The following GRIK4 variants were observed in gnomAD, a reference collection of about 807,000 sequenced individuals.
The protein encoded by GRIK4 is glutamate ionotropic receptor kainate type subunit 4.
Under a neutral mutation model 104.9 loss-of-function variants are expected in GRIK4, and 40 were observed. That is an observed-to-expected ratio of 0.38 (90% CI 0.30 to 0.50). GRIK4 has a LOEUF of 0.50. Among genes scored for constraint, GRIK4 ranks in the 20% least tolerant of loss-of-function variants. GRIK4 has a pLI of 0.93. For synonymous variants in GRIK4, 485 were observed against 524.9 expected, an observed-to-expected ratio of 0.92 and a Z score of 1.04; for missense variants, 1,047 against 1,308.1, an observed-to-expected ratio of 0.80 and a Z score of 3.08.
At chr11:120,558,564 G>A (rs962350572) in intron 1 of GRIK4, among the ~76,000 whole-genome samples, 5 of 152,156 alleles carry the variant, frequency 3.3e-5, no homozygotes, top group African/African-American at 4.8e-5. Context: ...CTCCAGCCTG[G>A]GCGACAGAGC....
At chr11:120,798,369 G>A (rs1398417151) in intron 3 of GRIK4, among the ~76,000 whole-genome samples, 1 of 151,926 alleles carries the variant, frequency 6.6e-6, no homozygotes, top group East Asian at 1.9e-4. Context: ...ACCTTAGCCA[G>A]GATGGTCTCA....
chr11:120,593,868 A>G (rs1948767505), intron 1 of GRIK4, among the ~76,000 whole-genome samples: 1 of 152,160 alleles, frequency 6.6e-6, no homozygotes, highest in South Asian at 2.1e-4. Context: ...AATGGGAGTC[A>G]TTCCTGATCT....
intron 1 of GRIK4, among the ~76,000 whole-genome samples, chr11:120,607,218 G>A (rs1197842963): frequency 6.6e-6 from 1 of 152,342 alleles, no homozygotes; most frequent in East Asian, 1.9e-4. Flanking sequence ...GACCGGTTCA[G>A]TATTGGTGGG....
At chr11:120,626,008 A>G (rs1949254370) in intron 1 of GRIK4, among the ~76,000 whole-genome samples, 1 of 152,224 alleles carries the variant, frequency 6.6e-6, no homozygotes, top group Admixed American at 6.5e-5. Context: ...GATTACATCA[A>G]GGAGGATGAA....
At chr11:120,929,197 C>G (rs1943427205) in intron 13 of GRIK4, among the ~76,000 whole-genome samples, 1 of 152,178 alleles carries the variant, frequency 6.6e-6, no homozygotes, top group African/African-American at 2.4e-5. Flanking sequence ...TTTGCAGGTG[C>G]CATGTGACCC....
chr11:120,611,420 G>A (rs1337731498), intron 1 of GRIK4, among the ~76,000 whole-genome samples: 2 of 152,148 alleles, frequency 1.3e-5, no homozygotes, highest in African/African-American at 2.4e-5. Flanking sequence ...TAGCATTAAC[G>A]TGTGCGTGTC....
intron 3 of GRIK4, among the ~76,000 whole-genome samples, chr11:120,700,692 C>T (rs756727220): frequency 3.3e-5 from 5 of 152,168 alleles, no homozygotes; most frequent in Admixed American, 6.5e-5. Flanking sequence ...CTCCCGACCT[C>T]GTGATCCGCC....
intron 12 of GRIK4, among the ~76,000 whole-genome samples, chr11:120,899,114 T>C (rs1357111279): frequency 6.6e-6 from 1 of 151,800 alleles, no homozygotes; most frequent in African/African-American, 2.4e-5. Flanking sequence ...AAAAAGAGAG[T>C]TCTCAATCTA....
At chr11:120,851,826 C>T (rs1953981325) in intron 8 of GRIK4, among the ~76,000 whole-genome samples, 1 of 152,104 alleles carries the variant, frequency 6.6e-6, no homozygotes, top group African/African-American at 2.4e-5. Flanking sequence ...ATGTGGAGCA[C>T]ATAAATTAGT....
chr11:120,830,746 G>C (rs912547205), intron 6 of GRIK4, among the ~76,000 whole-genome samples: 1 of 152,136 alleles, frequency 6.6e-6, no homozygotes, highest in Non-Finnish European at 1.5e-5. Context: ...ACATTAACTG[G>C]AACACAATAA....
At chr11:120,856,447 G>A (rs918852091) in intron 8 of GRIK4, among the ~76,000 whole-genome samples, 2 of 152,180 alleles carry the variant, frequency 1.3e-5, no homozygotes, top group African/African-American at 4.8e-5. Context: ...AGCAGCTATT[G>A]CAGAGGAGAA....
chr11:120,765,705 A>G (rs746745399), intron 3 of GRIK4, among the ~76,000 whole-genome samples: 8 of 152,024 alleles, frequency 5.3e-5, no homozygotes, highest in Non-Finnish European at 1.0e-4. Context: ...TTTTCCTTCT[A>G]ACAGTCAGGC....
chr11:120,544,992 C>CAAAAA (rs1948071377), intron 1 of GRIK4, among the ~76,000 whole-genome samples: 2 of 152,054 alleles, frequency 1.3e-5, no homozygotes, highest in Non-Finnish European at 2.9e-5. Flanking sequence ...CTGCAGGGTT[C>CAAAAA]CCGCTTTCTC....
At chr11:120,689,115 C>A (rs1369469096) in intron 3 of GRIK4, among the ~76,000 whole-genome samples, 1 of 152,116 alleles carries the variant, frequency 6.6e-6, no homozygotes, top group Admixed American at 6.5e-5. Flanking sequence ...TTGGGTAAGC[C>A]ACAGGGATGG....
At chr11:120,783,510 T>C (rs553495721) in intron 3 of GRIK4, among the ~76,000 whole-genome samples, 1 of 152,236 alleles carries the variant, frequency 6.6e-6, no homozygotes, top group South Asian at 2.1e-4. Context: ...GTCCCCCATT[T>C]AACAGCCCAT....
intron 3 of GRIK4, among the ~76,000 whole-genome samples, chr11:120,776,476 T>C (rs900590793): frequency 1.3e-5 from 2 of 152,242 alleles, no homozygotes; most frequent in Non-Finnish European, 2.9e-5. Context: ...CCATGTCTGC[T>C]GCAGTCTTTG....
Position 120,555,154 on chromosome 11 carries a change from T to C in GRIK4, c.-159+43267T>C, listed in dbSNP as rs1948175457. On this transcript the variant is annotated intron_variant, in intron 1 of 20. Transcript: ENST00000527524. This position sits in a 1 kb window ranked among gnomAD's most constrained non-coding sequence, Gnocchi z 5.3. ...CCTGCACGCGCAGGTCACCATGTTA[T>C]CTATCCATGTTTCCCATGACTTCAG... 6.6e-6 allele frequency among the ~76,000 whole-genome samples: 1 copy of C among 152,264 alleles called. No homozygotes were observed. The highest frequency in any genetic ancestry group is 2.4e-5 in the African/African-American group (1 of 41,466).
intron 1 of GRIK4, among the ~76,000 whole-genome samples, chr11:120,529,710 G>A (rs2252222): frequency 0.82 from 124,204 of 152,182 alleles, 50,953 homozygotes; most frequent in Admixed American, 0.88. Flanking sequence ...CTCGCAACCT[G>A]CCTTTCCCAC....
chr11:120,576,538 A>G (rs1365238115), intron 1 of GRIK4: 2 of 152,342 alleles, frequency 1.3e-5, no homozygotes, highest in Non-Finnish European at 2.9e-5. Flanking sequence ...TTAGCTTTCT[A>G]TGACCTGGGC....
Sources: allele counts gnomAD v4.1 joint callset (sites outside exome capture counted in the v4.1 genomes callset), GRCh38; gene constraint gnomAD v4.1.1; non-coding constraint Gnocchi (gnomAD v3.1); transcripts MANE v1.5; gene names NCBI Gene and HGNC (gene_info 2026-07-23, HGNC 2026-07-21).